The following ADGRL2 variants were observed in gnomAD, a reference collection of about 807,000 sequenced individuals.
The protein encoded by ADGRL2 is calcium-independent alpha-latrotoxin receptor 2.
In ADGRL2, 44 loss-of-function variants were observed where a neutral mutation model predicts 157.4. That is an observed-to-expected ratio of 0.28 (90% CI 0.22 to 0.36). The LOEUF is 0.36. Ranked by LOEUF, ADGRL2 falls within the 10% of genes least tolerant of loss-of-function variation. The pLI, the probability that ADGRL2 is intolerant of heterozygous loss-of-function variation, is 1.00. For synonymous variants in ADGRL2, 585 were observed against 624.7 expected (o/e 0.94, Z 0.95); for missense variants, 1,510 against 1,768.9 (o/e 0.85, Z 2.63).
intron 3 of ADGRL2, among the ~76,000 whole-genome samples, chr1:81,644,078 A>G (rs1215686833): frequency 6.6e-6 from 1 of 152,200 alleles, no homozygotes; most frequent in Non-Finnish European, 1.5e-5. Context: ...ACCCACAGAA[A>G]TATAGTCAAC....
chr1:81,338,592 G>A (rs17419571), intron 1 of ADGRL2, among the ~76,000 whole-genome samples: 9,554 of 152,142 alleles, frequency 0.063, 428 homozygotes, highest in Admixed American at 0.089. Flanking sequence ...TTTTACAATG[G>A]CAGAAGTTAC....
At position 81,943,259 on chromosome 1, in the gene ADGRL2, G is replaced by A; in HGVS notation, c.700G>A (p.Val234Met). 1 of 1,613,596 alleles carries A rather than the reference G, an allele frequency of 6.2e-7. No homozygotes were observed. Among genetic ancestry groups the A allele is most frequent in the Non-Finnish European group, 8.5e-7 (1 of 1,179,682 alleles). The change falls in exon 6 of 24, where the codon GTG (valine) becomes ATG (methionine). Residue 234 changes from valine to methionine, a missense_variant. Around this residue, in one of 4 missense-constraint regions of ADGRL2, gnomAD observed 361 missense variants for 498.4 expected, o/e 0.72. Transcript: ENST00000686636. The surrounding 1 kb of genome is among the most constrained non-coding windows in gnomAD (Gnocchi z 5.6). ...FFNKERTRNI[V>M]KFDLRTRIKS... is the part of the protein sequence containing the mutation. ...TAACAAAGAAAGAACGAGGAATATTGTGAAATTTGACTTGAGGACTAGAAT... is the reference window on the plus strand; with the variant it reads ...TAACAAAGAAAGAACGAGGAATATTATGAAATTTGACTTGAGGACTAGAAT...
chr1:81,920,141 T>C (rs947209202), intron 3 of ADGRL2, among the ~76,000 whole-genome samples: 1 of 152,190 alleles, frequency 6.6e-6, no homozygotes, highest in African/African-American at 2.4e-5. Context: ...TATTTTATGC[T>C]GTAGCTGTGG....
intron 1 of ADGRL2, among the ~76,000 whole-genome samples, chr1:81,352,331 C>T (rs1662959010): frequency 6.6e-6 from 1 of 152,194 alleles, no homozygotes; most frequent in Admixed American, 6.5e-5. Flanking sequence ...GTTTATTTAC[C>T]TCTGAGGAAT....
intron 2 of ADGRL2, among the ~76,000 whole-genome samples, chr1:81,501,362 T>G (rs533403605): frequency 6.6e-6 from 1 of 152,210 alleles, no homozygotes; most frequent in African/African-American, 2.4e-5. Context: ...ATTTCTGCTA[T>G]GTGATTTTAC....
At chr1:81,673,306 A>C (rs1055637769) in intron 3 of ADGRL2, among the ~76,000 whole-genome samples, 1 of 152,000 alleles carries the variant, frequency 6.6e-6, no homozygotes, top group African/African-American at 2.4e-5. Context: ...CTACCTTTTA[A>C]AATCCTACCC....
intron 2 of ADGRL2, among the ~76,000 whole-genome samples, chr1:81,537,417 G>T (rs2079767193): frequency 6.6e-6 from 1 of 151,928 alleles, no homozygotes. Context: ...TGGAGTAGCT[G>T]GGATTACAGG....
intron 1 of ADGRL2, among the ~76,000 whole-genome samples, chr1:81,720,025 A>G (rs1024427756): frequency 6.6e-6 from 1 of 152,142 alleles, no homozygotes; most frequent in Admixed American, 6.5e-5. Flanking sequence ...TTGTTTTACT[A>G]TATTTTATTA....
rs111554345 is a variant in ADGRL2 at position 81,431,296 on chromosome 1, T to C, written c.-301-13740T>C. 6.5e-4 allele frequency among the ~76,000 whole-genome samples: 99 copies of C among 152,244 alleles called. 1 individual carries two copies. Among genetic ancestry groups the C allele is most frequent in the Middle Eastern group, 6.8e-3 (2 of 294 alleles). ...TATTTTCAAGGGAATTGACTACTAG[T>C]GGCCAGTATAACAAAGAAACCCCAC... is the stretch of plus-strand genomic sequence containing the variant. On this transcript the variant is annotated intron_variant, in intron 1 of 24. Transcript: ENST00000370721.
At chr1:81,968,723 T>G (rs2149308763) in intron 14 of ADGRL2, among the ~76,000 whole-genome samples, 1 of 152,280 alleles carries the variant, frequency 6.6e-6, no homozygotes, top group Non-Finnish European at 1.5e-5. Context: ...CCGTCTCAGA[T>G]CCGTAGTATG....
At chr1:81,312,557 G>A (rs1659830030) in intron 1 of ADGRL2, among the ~76,000 whole-genome samples, 1 of 152,152 alleles carries the variant, frequency 6.6e-6, no homozygotes, top group Non-Finnish European at 1.5e-5. Context: ...CTAAACATAT[G>A]GATTTTCTAC....
chr1:81,708,667 T>C lies in ADGRL2; in HGVS notation c.-143+8859T>C, dbSNP rs74767710. ...ATATATATATATATACACACACACA[T>C]ATATATATCCTAAATTGTAAGCTGA... On this transcript the variant is annotated intron_variant, in intron 1 of 20. Coordinates refer to the ADGRL2 transcript ENST00000359929. Among the ~76,000 whole-genome samples, 33 of 141,128 alleles carry C rather than the reference T, an allele frequency of 2.3e-4. 1 individual carries two copies. The East Asian group carries it at 3.3e-3, about 14-fold the overall frequency. The allele number at this position is 141,128 out of a possible 152,430, so 92.6% of individuals were successfully genotyped here.
chr1:81,806,537 A>G (rs957028471), intron 1 of ADGRL2, among the ~76,000 whole-genome samples: 17 of 152,058 alleles, frequency 1.1e-4, no homozygotes, highest in African/African-American at 3.6e-4. Context: ...GAATATGTGA[A>G]TTGAGATTGA....
intron 2 of ADGRL2, among the ~76,000 whole-genome samples, chr1:81,865,092 C>A (rs1228193437): frequency 3.9e-5 from 6 of 152,136 alleles, no homozygotes; most frequent in Non-Finnish European, 8.8e-5. Context: ...CCCTTTTTCT[C>A]TATTTACTAT....
intron 2 of ADGRL2, among the ~76,000 whole-genome samples, chr1:81,901,596 T>C (rs1476301687): frequency 2.0e-5 from 3 of 151,674 alleles, no homozygotes; most frequent in African/African-American, 4.8e-5. Flanking sequence ...TTTTTTTTGA[T>C]GATTTCTTCC....
At chr1:81,507,502 A>G (rs2148060556) in intron 2 of ADGRL2, among the ~76,000 whole-genome samples, 1 of 152,282 alleles carries the variant, frequency 6.6e-6, no homozygotes, top group East Asian at 1.9e-4. Context: ...CATGGTGACC[A>G]CGTGTTTTGG....
At chr1:81,543,261 A>G (rs1484737360) in intron 2 of ADGRL2, among the ~76,000 whole-genome samples, 2 of 147,950 alleles carry the variant, frequency 1.4e-5, no homozygotes, top group East Asian at 3.9e-4. Context: ...GTGTGAGGGC[A>G]GAGCCCTCAC....
intron 1 of ADGRL2, among the ~76,000 whole-genome samples, chr1:81,442,423 A>G (rs1266004828): frequency 1.3e-5 from 2 of 152,248 alleles, no homozygotes; most frequent in African/African-American, 4.8e-5. Context: ...CATTAAAATT[A>G]CATCTATTAC....
intron 3 of ADGRL2, among the ~76,000 whole-genome samples, chr1:81,618,011 T>C (rs766726103): frequency 6.6e-6 from 1 of 152,114 alleles, no homozygotes; most frequent in Non-Finnish European, 1.5e-5. Flanking sequence ...TTTCAATTGC[T>C]GAATTTTTAC....
Sources: gnomAD v4.1 joint callset for allele counts (sites outside exome capture counted in the v4.1 genomes callset) on GRCh38, gnomAD v4.1.1 for gene constraint, gnomAD v4.1.1 regional missense constraint, Gnocchi (gnomAD v3.1) non-coding constraint, MANE v1.5 for transcripts, NCBI Gene and HGNC (gene_info 2026-07-23, HGNC 2026-07-21) for gene names.